Variants in SBF2 observed in about 807,000 individuals in gnomAD.
The protein encoded by SBF2 is SET binding factor 2, also known as myotubularin-related protein 13.
A neutral mutation model predicts 225.2 loss-of-function variants in SBF2; 112 were observed. That is an observed-to-expected ratio of 0.50 (90% CI 0.43 to 0.58). The LOEUF (loss-of-function observed/expected upper bound fraction) is 0.58, where lower values mean the gene tolerates loss of function less well. Ranked by LOEUF, SBF2 falls within the 20% of genes least tolerant of loss-of-function variation. SBF2 has a pLI of 0.00. For synonymous variants in SBF2, 763 were observed against 773.3 expected (o/e 0.99, Z 0.22); for missense variants, 1,996 against 2,206.2 (o/e 0.90, Z 1.91).
chr11:10,215,854 T>C (rs1400484575), intron 1 of SBF2, among the ~76,000 whole-genome samples: 4 of 152,252 alleles, frequency 2.6e-5, no homozygotes, highest in African/African-American at 7.2e-5. Flanking sequence ...GGATAATGAC[T>C]GAATTTCCAT....
At chr11:9,948,656 A>ATGGC (rs1273342565) in intron 16 of SBF2, among the ~76,000 whole-genome samples, 1 of 152,196 alleles carries the variant, frequency 6.6e-6, no homozygotes, top group Non-Finnish European at 1.5e-5. Context: ...CTCTGTTGCC[A>ATGGC]GACTCTCTCA....
At chr11:10,097,225 C>A (rs1401621893) in intron 2 of SBF2, among the ~76,000 whole-genome samples, 1 of 152,224 alleles carries the variant, frequency 6.6e-6, no homozygotes, top group Non-Finnish European at 1.5e-5. Flanking sequence ...GATGTAGCAA[C>A]AAGCACTTGA....
At chr11:9,962,703 A>G (rs1866654266) in intron 15 of SBF2, among the ~76,000 whole-genome samples, 1 of 152,242 alleles carries the variant, frequency 6.6e-6, no homozygotes, top group African/African-American at 2.4e-5. Flanking sequence ...ACATCCATAA[A>G]GATGCCTCCT....
chr11:9,934,972 A>C (rs74845739), intron 16 of SBF2, among the ~76,000 whole-genome samples: 1 of 152,208 alleles, frequency 6.6e-6, no homozygotes, highest in African/African-American at 2.4e-5. Context: ...CAGGGAAGAG[A>C]AAGAAATAAA....
chr11:10,230,563 C>A (rs1958797692), intron 1 of SBF2, among the ~76,000 whole-genome samples: 1 of 152,162 alleles, frequency 6.6e-6, no homozygotes, highest in African/African-American at 2.4e-5. Context: ...TTCTCCTTCA[C>A]TTATGAAGCT....
Position 10,028,487 on chromosome 11 carries a change from G to A in SBF2, c.584C>T (p.Thr195Met). The A allele has an allele frequency of 6.8e-6, 11 of 1,613,172 alleles. No homozygotes were observed. Among genetic ancestry groups the A allele is most frequent in the African/African-American group, 1.3e-5 (1 of 75,008 alleles). The change falls in exon 6 of 40, where the codon ACG (threonine) becomes ATG (methionine). Residue 195 changes from threonine (T) to methionine (M), a missense_variant. By Grantham distance (81) the Thr-to-Met change is moderately conservative. Coordinates refer to ENST00000256190, the MANE Select transcript of SBF2 (RefSeq NM_030962.4). ...GAACAGGAGAGCCACACTAGTGCCC[G>A]TGATAGGAAGACTATCATGTAAAGG... ...QTPLHDSLPI[T>M]GTSVALLFQQ...
At chr11:9,988,490 T>C (rs1947286023) in intron 13 of SBF2, among the ~76,000 whole-genome samples, 1 of 152,070 alleles carries the variant, frequency 6.6e-6, no homozygotes, top group South Asian at 2.1e-4. Context: ...GGAGAAAATC[T>C]TCACAATCTA....
At chr11:9,805,241 G>A (rs1386608146) in intron 32 of SBF2, among the ~76,000 whole-genome samples, 1 of 120,796 alleles carries the variant, frequency 8.3e-6, no homozygotes, top group African/African-American at 2.8e-5. Context: ...GTGAGACTCT[G>A]TCTCAAAAAA....
chr11:10,269,862 A>C (rs2135533206), intron 1 of SBF2, among the ~76,000 whole-genome samples: 1 of 152,230 alleles, frequency 6.6e-6, no homozygotes, highest in South Asian at 2.1e-4. Flanking sequence ...CCTGGTTTGA[A>C]ATGATCCTCC....
intron 13 of SBF2, among the ~76,000 whole-genome samples, chr11:9,987,110 G>A (rs1032921363): frequency 6.6e-6 from 1 of 151,838 alleles, no homozygotes; most frequent in African/African-American, 2.4e-5. Context: ...AGGGATGCAG[G>A]GATAATTTAA....
At chr11:9,946,252 A>G (rs1464392020) in intron 16 of SBF2, among the ~76,000 whole-genome samples, 1 of 152,224 alleles carries the variant, frequency 6.6e-6, no homozygotes, top group Non-Finnish European at 1.5e-5. Flanking sequence ...CTAAGCAGCC[A>G]TACAAAAATG....
At chr11:9,830,745 CAAAAAA>C (rs553674434) in intron 27 of SBF2, among the ~76,000 whole-genome samples, 3 of 111,146 alleles carry the variant, frequency 2.7e-5, no homozygotes, top group African/African-American at 3.3e-5. Flanking sequence ...AGCTCAAAAA[CAAAAAA>C]AAAAAAACAA....
chr11:10,126,891 G>T (rs1361059766), intron 2 of SBF2, among the ~76,000 whole-genome samples: 3 of 152,032 alleles, frequency 2.0e-5, no homozygotes, highest in Non-Finnish European at 4.4e-5. Context: ...CTATACCATG[G>T]ATGACCCTTG....
intron 2 of SBF2, among the ~76,000 whole-genome samples, chr11:10,165,442 A>G (rs1246626208): frequency 6.6e-6 from 1 of 152,228 alleles, no homozygotes; most frequent in African/African-American, 2.4e-5. Flanking sequence ...GCAAGAGCTC[A>G]TGGCCCCATT....
At chr11:10,012,576 T>C (rs2134560552) in intron 6 of SBF2, among the ~76,000 whole-genome samples, 1 of 152,340 alleles carries the variant, frequency 6.6e-6, no homozygotes, top group South Asian at 2.1e-4. Flanking sequence ...ATGGCTACCA[T>C]TAATTCTTTT....
At chr11:10,237,032 T>C (rs1959101843) in intron 1 of SBF2, among the ~76,000 whole-genome samples, 1 of 152,084 alleles carries the variant, frequency 6.6e-6, no homozygotes, top group Admixed American at 6.5e-5. Flanking sequence ...GAAATCCAGA[T>C]GAAGGTTTAG....
chr11:10,205,950 A>T (rs956872807), intron 1 of SBF2, among the ~76,000 whole-genome samples: 33 of 152,020 alleles, frequency 2.2e-4, no homozygotes, highest in Middle Eastern at 3.4e-3. Context: ...CCCAATCCAG[A>T]AACACTGGGG....
At chr11:10,065,776 C>G (rs545331161) in intron 2 of SBF2, among the ~76,000 whole-genome samples, 2 of 152,006 alleles carry the variant, frequency 1.3e-5, no homozygotes, top group East Asian at 3.9e-4. Flanking sequence ...GGTGAAACCC[C>G]GTCTCTACTA....
Position 9,784,458 on chromosome 11 carries a change from GA to G in SBF2, c.5232-21del. On this transcript the variant is annotated intron_variant, in intron 37 of 39. Coordinates refer to ENST00000256190, the MANE Select transcript of SBF2 (RefSeq NM_030962.4). ...AAGGACCTAGAAGAAATGATGACAGGAGAGTTAATTTTGATTTACACTTACA... is the reference window on the plus strand; with the variant it reads ...AAGGACCTAGAAGAAATGATGACAGGGAGTTAATTTTGATTTACACTTACA... 2 of 1,575,398 alleles carry G rather than the reference GA, an allele frequency of 1.3e-6. No individual in the cohort carries two copies. The highest frequency in any genetic ancestry group is 8.7e-7 in the Non-Finnish European group (1 of 1,144,800).
Sources: allele counts gnomAD v4.1 joint callset (sites outside exome capture counted in the v4.1 genomes callset), GRCh38; gene constraint gnomAD v4.1.1; transcripts MANE v1.5; gene names NCBI Gene and HGNC (gene_info 2026-07-23, HGNC 2026-07-21).